Variants in CLEC5A observed in about 807,000 individuals in gnomAD.
CLEC5A encodes the protein C-type lectin domain containing 5A, also known as C-type lectin domain family 5 member A.
CLEC5A carries 15 observed loss-of-function variants against 24.4 expected under a neutral mutation model. That is an observed-to-expected ratio of 0.62 (90% CI 0.41 to 0.95). The LOEUF (loss-of-function observed/expected upper bound fraction) is 0.95, where lower values mean the gene tolerates loss of function less well. Among genes scored for constraint, CLEC5A ranks in the 40% least tolerant of loss-of-function variants. The pLI is 0.00. For missense variants in CLEC5A, 211 were observed against 224.0 expected, an observed-to-expected ratio of 0.94 and a Z score of 0.37; for synonymous variants, 71 against 72.6, an observed-to-expected ratio of 0.98 and a Z score of 0.11.
intron 3 of CLEC5A, 130 bp downstream of exon 3, chr7:141,945,211 A>G: frequency 1.3e-6 from 1 of 782,478 alleles, no homozygotes. Flanking sequence ...AAGGGAATTA[A>G]TTAGAAGATC....
At chr7:141,939,854 A>T (rs1802735189) in intron 4 of CLEC5A, among the ~76,000 whole-genome samples, 1 of 152,140 alleles carries the variant, frequency 6.6e-6, no homozygotes, top group African/African-American at 2.4e-5. Flanking sequence ...GTCACTGTAT[A>T]ATGATAAAGG....
chr7:141,937,150 G>A (rs1051557413), intron 4 of CLEC5A, among the ~76,000 whole-genome samples: 6 of 151,806 alleles, frequency 4.0e-5, no homozygotes, highest in Non-Finnish European at 7.4e-5. Flanking sequence ...GAAAAGAAGA[G>A]AGAAAAGTAA....
intron 4 of CLEC5A, among the ~76,000 whole-genome samples, chr7:141,936,763 C>A (rs1285950): frequency 0.61 from 93,245 of 151,682 alleles, 29,229 homozygotes; most frequent in Non-Finnish European, 0.69. Context: ...CAACCCCAAG[C>A]AGCACAACTT....
At chr7:141,939,545 G>T (rs753689243) in intron 4 of CLEC5A, among the ~76,000 whole-genome samples, 2 of 151,900 alleles carry the variant, frequency 1.3e-5, no homozygotes, top group African/African-American at 2.4e-5. Flanking sequence ...AAAACAACCA[G>T]AAAACAAATA....
At chr7:141,936,635 G>A (rs949935314) in intron 4 of CLEC5A, among the ~76,000 whole-genome samples, 76 of 152,268 alleles carry the variant, frequency 5.0e-4, no homozygotes, top group African/African-American at 1.7e-3. Context: ...AGGCCACAAG[G>A]ACTGCAACTC....
At chr7:141,933,778 C>A (rs1380007899) in intron 5 of CLEC5A, among the ~76,000 whole-genome samples, 2 of 151,816 alleles carry the variant, frequency 1.3e-5, no homozygotes, top group East Asian at 1.9e-4. Flanking sequence ...GAGAGAGAAC[C>A]AAGGCTGTCC....
chr7:141,940,645 T>G (rs1554441548), intron 4 of CLEC5A, among the ~76,000 whole-genome samples: 1 of 150,860 alleles, frequency 6.6e-6, no homozygotes, highest in African/African-American at 2.4e-5. Flanking sequence ...AAAGTCGGCT[T>G]TTTGAAAAGA....
chr7:141,944,949 G>A (rs1489490545), intron 3 of CLEC5A, among the ~76,000 whole-genome samples: 3 of 152,168 alleles, frequency 2.0e-5, no homozygotes, highest in African/African-American at 7.2e-5. Flanking sequence ...TTCTCCTAAC[G>A]ATGTCAGTAG....
At chr7:141,933,575 C>CATATATATATATATAT (rs3043785) in intron 5 of CLEC5A, among the ~76,000 whole-genome samples, 25 of 115,234 alleles carry the variant, frequency 2.2e-4, no homozygotes, top group African/African-American at 9.1e-4. Context: ...AGGGAGCAGG[C>CATATATATATATATAT]ATATATATAT....
intron 3 of CLEC5A, among the ~76,000 whole-genome samples, chr7:141,944,665 T>C (rs1554441931): frequency 1.3e-5 from 2 of 152,192 alleles, no homozygotes; most frequent in Non-Finnish European, 2.9e-5. Flanking sequence ...AAACATCTAA[T>C]TGGGCTGCCA....
rs549998401 is a variant in CLEC5A at position 141,938,436 on chromosome 7, G to A, written c.209-2486C>T. ...AATCAGAGGGGTCACAGAAGTCAGA[G>A]GATACAAAAGAAAAAAGAATAAGAA... On this transcript the variant is annotated intron_variant, in intron 4 of 6. Transcript: ENST00000546910. Among the ~76,000 whole-genome samples, 80 of 152,008 alleles carry A rather than the reference G, an allele frequency of 5.3e-4. 1 individual carries two copies. The highest frequency in any genetic ancestry group is 1.9e-3 in the African/African-American group (79 of 41,468).
At chr7:141,938,475 C>T (rs1037923961) in intron 4 of CLEC5A, among the ~76,000 whole-genome samples, 5 of 152,082 alleles carry the variant, frequency 3.3e-5, no homozygotes, top group African/African-American at 1.2e-4. Flanking sequence ...ATGAAGCACA[C>T]TTGTAAGGTC....
intron 4 of CLEC5A, among the ~76,000 whole-genome samples, chr7:141,939,966 T>G (rs138461534): frequency 6.6e-6 from 1 of 152,146 alleles, no homozygotes; most frequent in Non-Finnish European, 1.5e-5. Context: ...AAGAAATAGA[T>G]AGTCTCCAAT....
chr7:141,941,320 CA>C lies in CLEC5A; in HGVS notation c.208+2575del, dbSNP rs201847522. ...TACATTATATCAACAGAATGAAGAACAAAAACCATACGATCATTTCAATTGA... is the reference window on the plus strand; with the variant it reads ...TACATTATATCAACAGAATGAAGAACAAAACCATACGATCATTTCAATTGA... On this transcript the variant is annotated intron_variant, in intron 4 of 6. Transcript: ENST00000546910. Among the ~76,000 whole-genome samples the C allele has an allele frequency of 3.9e-3, 586 of 152,120 alleles. 21 individuals are homozygous for C. The East Asian group carries it at 0.094, about 24-fold the overall frequency.
intron 3 of CLEC5A, 54 bp from the exon 4 acceptor site, chr7:141,944,018 C>T (rs1802879215): frequency 9.7e-7 from 1 of 1,032,140 alleles, no homozygotes; most frequent in Non-Finnish European, 1.5e-6. Flanking sequence ...AACACAGAAA[C>T]AGAAACATCA....
chr7:141,943,925 C>A lies in CLEC5A; in HGVS notation c.179G>T (p.Gly60Val). The A allele has an allele frequency of 3.1e-6, 5 of 1,611,428 alleles. No homozygotes were observed. Among genetic ancestry groups the A allele is most frequent in the Non-Finnish European group, 3.4e-6 (4 of 1,177,920 alleles). ...IFGSSSPSPN[G>V]FITTRSYGTV... ...TCCATAGCTCCTTGTGGTAATGAAG[C>A]CGTTGGGACTTGGGGAACTGCTCCC... Residue 60 changes from glycine (G) to valine (V), a missense_variant, in exon 4 of 7, where the codon GGC becomes GTC. Transcript: ENST00000546910.
chr7:141,945,361 G>A lies in CLEC5A; in HGVS notation c.119C>T (p.Thr40Ile). 2 of 1,612,680 alleles carry A rather than the reference G, an allele frequency of 1.2e-6. No individual in the cohort carries two copies. Among genetic ancestry groups the A allele is most frequent in the Non-Finnish European group, 1.7e-6 (2 of 1,178,760 alleles). ...IFNKSNDGFT[T>I]TRSYGTVSQI... ...ATTACCTGTTCCATAGCTCCTGGTG[G>A]TGGTGAAACCATCGTTACTTTTGTT... is the stretch of plus-strand genomic sequence containing the variant. The change falls in exon 3 of 7, where the codon ACC (threonine) becomes ATC (isoleucine). Residue 40 changes from threonine to isoleucine, a missense_variant. Transcript: ENST00000546910.
At position 141,930,057 on chromosome 7, in the gene CLEC5A, G is replaced by T; in HGVS notation, c.*47C>A. The T allele has an allele frequency of 6.9e-7, 1 of 1,444,298 alleles. No homozygotes were observed. Among genetic ancestry groups the T allele is most frequent in the Non-Finnish European group, 9.7e-7 (1 of 1,029,356 alleles). The allele number at this position is 1,444,298 out of a possible 1,614,324, so 89.5% of individuals were successfully genotyped here. A position where few individuals can be genotyped will look rare whatever the true frequency, so the allele number is the denominator to read the frequency against. ...AATCATTGGCCAGACGACCTGTATG[G>T]ATTCAAAAAGAGTTGCAAGTATAGT... On this transcript the variant is annotated 3_prime_UTR_variant, in exon 7 of 7. Coordinates refer to ENST00000546910, the MANE Select transcript of CLEC5A (RefSeq NM_013252.3).
Position 141,935,879 on chromosome 7 carries a change from C to T in CLEC5A, c.280G>A (p.Glu94Lys). The T allele has an allele frequency of 6.2e-7, 1 of 1,613,670 alleles. No individual in the cohort carries two copies. Among genetic ancestry groups the T allele is most frequent in the Non-Finnish European group, 8.5e-7 (1 of 1,179,558 alleles). Residue 94 changes from glutamate to lysine, a missense_variant, in exon 5 of 7, where the codon GAA (glutamate) becomes AAA (lysine). Physicochemically the swap from Glu to Lys is moderately conservative, Grantham distance 56. Transcript: ENST00000546910. ...FLSTSESSWNESRDFCKGKGS... is the reference protein window; with the variant it reads ...FLSTSESSWNKSRDFCKGKGS... The stretch of plus-strand genomic sequence containing the variant: ...TTTCCTTTGCAAAAGTCCCTGCTTT[C>T]ATTCCAAGATGATTCAGAAGTGGAT...
Sources: allele counts gnomAD v4.1 joint callset (sites outside exome capture counted in the v4.1 genomes callset), GRCh38; gene constraint gnomAD v4.1.1; transcripts MANE v1.5; gene names NCBI Gene and HGNC (gene_info 2026-07-23, HGNC 2026-07-21).